SLCO3A1: variants seen among roughly 807,000 people sequenced by gnomAD.
SLCO3A1 encodes the protein solute carrier organic anion transporter family member 3A1.
SLCO3A1 carries 27 observed loss-of-function variants against 63.1 expected under a neutral mutation model. That is an observed-to-expected ratio of 0.43 (90% CI 0.32 to 0.59). The LOEUF (loss-of-function observed/expected upper bound fraction) is 0.59, where lower values mean the gene tolerates loss of function less well. Ranked by LOEUF, SLCO3A1 falls within the 20% of genes least tolerant of loss-of-function variation. The probability of loss-of-function intolerance (pLI) is 0.09; values close to 1 mark genes in which losing one functional copy is unlikely to be tolerated. For missense variants in SLCO3A1, 773 were observed against 945.8 expected, an observed-to-expected ratio of 0.82 and a Z score of 2.40; for synonymous variants, 473 against 409.9, an observed-to-expected ratio of 1.15 and a Z score of -1.86.
rs371629670 is a variant in SLCO3A1, at chr15:92,162,853, C to T, written c.1851C>T (p.Tyr617=). Residue 617 remains tyrosine (Y), a synonymous_variant, in exon 10 of 10, where the codon TAC becomes TAT. Transcript: ENST00000318445. ...GGGAGCAAGGCGCCTGCGTCCTCTACGACAATGTGGTCTACCGATACCTGT... is the reference window on the plus strand; with the variant it reads ...GGGAGCAAGGCGCCTGCGTCCTCTATGACAATGTGGTCTACCGATACCTGT... ...FCGEQGACVL[Y]DNVVYRYLYV... 108 of 1,614,224 alleles carry T rather than the reference C, an allele frequency of 6.7e-5. 1 individual carries two copies. Among genetic ancestry groups the T allele is most frequent in the South Asian group, 6.1e-4 (56 of 91,082 alleles).
chr15:92,067,131 C>G (rs1186933927), intron 2 of SLCO3A1, among the ~76,000 whole-genome samples: 4 of 152,198 alleles, frequency 2.6e-5, no homozygotes, highest in Non-Finnish European at 5.9e-5. Context: ...TATGTTTTTG[C>G]AGGCCATCAT....
At chr15:92,009,711 A>G (rs1325591318) in intron 2 of SLCO3A1, among the ~76,000 whole-genome samples, 1 of 152,218 alleles carries the variant, frequency 6.6e-6, no homozygotes, top group African/African-American at 2.4e-5. Flanking sequence ...CATGGACAGA[A>G]CTTACCTCCT....
chr15:91,869,538 A>T (rs149102667), intron 1 of SLCO3A1, among the ~76,000 whole-genome samples: 3 of 144,240 alleles, frequency 2.1e-5, no homozygotes. Flanking sequence ...AAAAAAAATT[A>T]AAAAATTAGC....
chr15:92,163,121 G>A lies in SLCO3A1; in HGVS notation c.2119G>A (p.Glu707Lys). The A allele has an allele frequency of 6.6e-7, 1 of 1,523,660 alleles. No individual in the cohort carries two copies. Among genetic ancestry groups the A allele is most frequent in the African/African-American group, 1.4e-5 (1 of 71,926 alleles). The allele number at this position is 1,523,660 out of a possible 1,614,324, so 94.4% of individuals were successfully genotyped here. The part of the protein sequence containing the change: ...LEDHEWCENM[E>K]SVL ...AGACCATGAGTGGTGTGAAAACATG[G>A]AGTCCGTTTTATAGTGACTAAAGGA... The change falls in exon 10 of 10, where the codon GAG (glutamate) becomes AAG (lysine). Residue 707 changes from glutamate (E) to lysine (K), a missense_variant. Physicochemically the swap from Glu to Lys is moderately conservative, Grantham distance 56 (BLOSUM62 1). This residue lies in a region of SLCO3A1 where 139 missense variants were observed against 131.4 expected (regional missense o/e 1.06). Coordinates refer to ENST00000318445, the MANE Select transcript of SLCO3A1 (RefSeq NM_013272.4).
chr15:92,089,345 T>A (rs1983350), intron 2 of SLCO3A1, among the ~76,000 whole-genome samples: 109,260 of 152,076 alleles, frequency 0.72, 39,367 homozygotes, highest in Admixed American at 0.8. Flanking sequence ...TTATTAAAGT[T>A]CATCTGACAC....
chr15:91,911,132 A>G (rs540924849), intron 1 of SLCO3A1, among the ~76,000 whole-genome samples: 1 of 152,332 alleles, frequency 6.6e-6, no homozygotes, highest in South Asian at 2.1e-4. Flanking sequence ...TGATAGTTTC[A>G]GTTGGCCTTA....
At chr15:91,922,196 G>GCGCACACACACA (rs140542461) in intron 2 of SLCO3A1, among the ~76,000 whole-genome samples, 3 of 151,438 alleles carry the variant, frequency 2.0e-5, no homozygotes, top group South Asian at 4.2e-4. Context: ...GCGCGTGCAC[G>GCGCACACACACA]CACACACACA....
intron 1 of SLCO3A1, among the ~76,000 whole-genome samples, chr15:91,870,926 C>G (rs1897265609): frequency 6.6e-6 from 1 of 151,546 alleles, no homozygotes; most frequent in African/African-American, 2.4e-5. Context: ...GTATTGAACT[C>G]ATATTCTTAT....
rs192991877 is a variant in SLCO3A1, at chr15:92,073,707, G to A, written c.647-21174G>A. On this transcript the variant is annotated intron_variant, in intron 2 of 9. Transcript: ENST00000318445. Reference sequence around the variant, plus strand: ...ATTTTAGAACGGATAATTATTTGTTGTGGAGACTGCCCTGTGCATTGCAGG... The same window carrying A: ...ATTTTAGAACGGATAATTATTTGTTATGGAGACTGCCCTGTGCATTGCAGG... 2.8e-3 allele frequency among the ~76,000 whole-genome samples: 431 copies of A among 152,294 alleles called. 1 individual carries two copies. The highest frequency in any genetic ancestry group is 9.9e-3 in the African/African-American group (413 of 41,554).
At chr15:91,864,490 C>CTTTTTTTTTTTTTTTTTTTTTTTT (rs56982912) in intron 1 of SLCO3A1, among the ~76,000 whole-genome samples, 1 of 133,728 alleles carries the variant, frequency 7.5e-6, no homozygotes, top group South Asian at 2.4e-4. Flanking sequence ...AAATGTTCCT[C>CTTTTTTTTTTTTTTTTTTTTTTTT]TTTTTTTTTT....
intron 7 of SLCO3A1, among the ~76,000 whole-genome samples, chr15:92,136,680 A>C (rs1006275947): frequency 6.6e-6 from 1 of 152,192 alleles, no homozygotes; most frequent in African/African-American, 2.4e-5. Context: ...TATGATTCAA[A>C]AGCCAAAAAG....
Position 91,954,660 on chromosome 15 carries a change from C to A in SLCO3A1, c.646+38202C>A, listed in dbSNP as rs1157457620. ...AGTGTTGCAGGTCCAGGAAGTGGCC[C>A]ATATATGATTTTTATCAGGGTGGAG... is the stretch of plus-strand genomic sequence containing the variant. On this transcript the variant is annotated intron_variant, in intron 2 of 9. Transcript: ENST00000318445. This position sits in a 1 kb window ranked among gnomAD's most constrained non-coding sequence, Gnocchi z 4.7. 6.6e-6 allele frequency among the ~76,000 whole-genome samples: 1 copy of A among 151,776 alleles called. No individual in the cohort carries two copies. Among genetic ancestry groups the A allele is most frequent in the African/African-American group, 2.4e-5 (1 of 41,262 alleles).
chr15:92,034,848 A>G (rs906529681), intron 2 of SLCO3A1, among the ~76,000 whole-genome samples: 4 of 151,926 alleles, frequency 2.6e-5, no homozygotes, highest in African/African-American at 7.2e-5. Context: ...CCATGTATCA[A>G]TTCTGTCCCT....
intron 9 of SLCO3A1, among the ~76,000 whole-genome samples, chr15:92,156,417 T>A (rs993087751): frequency 2.0e-5 from 3 of 152,212 alleles, no homozygotes; most frequent in Non-Finnish European, 4.4e-5. Context: ...TGTACTGAGA[T>A]GACATCCAGT....
At chr15:91,867,500 T>G (rs1897193670) in intron 1 of SLCO3A1, among the ~76,000 whole-genome samples, 1 of 151,630 alleles carries the variant, frequency 6.6e-6, no homozygotes, top group Non-Finnish European at 1.5e-5. Flanking sequence ...GGTCCTATTA[T>G]ATTTGACTTT....
chr15:92,163,340 T>C lies in SLCO3A1; in HGVS notation c.*205T>C. 1 of 1,213,818 alleles carries C rather than the reference T, an allele frequency of 8.2e-7. No individual in the cohort carries two copies. Among genetic ancestry groups the C allele is most frequent in the Non-Finnish European group, 1.0e-6 (1 of 977,346 alleles). The allele number at this position is 1,213,818 out of a possible 1,614,324, so 75.2% of individuals were successfully genotyped here. The stretch of plus-strand genomic sequence containing the variant: ...TCAGAATAAGGAGAGAATGACATCG[T>C]GCGGCAGGGTCCTGGAGGCCACTTG... On this transcript the variant is annotated 3_prime_UTR_variant, in exon 10 of 10. Transcript: ENST00000318445.
At chr15:91,910,022 C>T (rs1898435697) in intron 1 of SLCO3A1, among the ~76,000 whole-genome samples, 1 of 152,166 alleles carries the variant, frequency 6.6e-6, no homozygotes, top group East Asian at 1.9e-4. Flanking sequence ...CCCTTCGCTC[C>T]CCATTGACCT....
intron 9 of SLCO3A1, among the ~76,000 whole-genome samples, chr15:92,160,855 C>T (rs1266867854): frequency 2.0e-5 from 3 of 152,122 alleles, no homozygotes; most frequent in Admixed American, 1.3e-4. Flanking sequence ...TTTGGAGGCC[C>T]CACAGAATGG....
intron 2 of SLCO3A1, among the ~76,000 whole-genome samples, chr15:92,006,703 A>C (rs1174136048): frequency 6.6e-6 from 1 of 152,222 alleles, no homozygotes; most frequent in Non-Finnish European, 1.5e-5. Flanking sequence ...CTCTTTTTCA[A>C]AACTAGATTT....
Sources: gnomAD v4.1 joint callset for allele counts (sites outside exome capture counted in the v4.1 genomes callset) on GRCh38, gnomAD v4.1.1 for gene constraint, gnomAD v4.1.1 regional missense constraint, Gnocchi (gnomAD v3.1) non-coding constraint, MANE v1.5 for transcripts, NCBI Gene and HGNC (gene_info 2026-07-23, HGNC 2026-07-21) for gene names.